RSBN1L: variants seen among roughly 807,000 people sequenced by gnomAD.
RSBN1L encodes the protein round spermatid basic protein 1 like.
RSBN1L carries 30 observed loss-of-function variants against 67.7 expected under a neutral mutation model. The observed-to-expected ratio is 0.44, with a 90% CI of 0.33 to 0.60. The LOEUF (loss-of-function observed/expected upper bound fraction) is 0.60, where lower values mean the gene tolerates loss of function less well. Ranked by LOEUF, RSBN1L falls within the 20% of genes least tolerant of loss-of-function variation. The pLI is 0.02. For missense variants in RSBN1L, 992 were observed against 1,031.7 expected (o/e 0.96, Z 0.53); for synonymous variants, 433 against 387.0 (o/e 1.12, Z -1.39).
At chr7:77,718,561 A>T (rs1311108105) in intron 1 of RSBN1L, among the ~76,000 whole-genome samples, 1 of 152,118 alleles carries the variant, frequency 6.6e-6, no homozygotes, top group Non-Finnish European at 1.5e-5. Flanking sequence ...AAAGTGCTAG[A>T]TTACAGGTGT....
intron 1 of RSBN1L, among the ~76,000 whole-genome samples, chr7:77,704,585 C>T (rs573920431): frequency 2.6e-5 from 4 of 152,160 alleles, no homozygotes; most frequent in African/African-American, 7.2e-5. Flanking sequence ...TTATTTTTGG[C>T]TCTAGCATTT....
chr7:77,735,639 T>C, intron 1 of RSBN1L, among the ~76,000 whole-genome samples: 1 of 152,186 alleles, frequency 6.6e-6, no homozygotes, highest in Non-Finnish European at 1.5e-5. Flanking sequence ...ACTTCCATCA[T>C]GGTTTTGTAA....
At chr7:77,710,061 T>A (rs1169591724) in intron 1 of RSBN1L, among the ~76,000 whole-genome samples, 1 of 152,212 alleles carries the variant, frequency 6.6e-6, no homozygotes, top group Non-Finnish European at 1.5e-5. Flanking sequence ...ACTCACTGTC[T>A]TTCATATCTT....
chr7:77,739,057 A>G (rs1466262842), intron 2 of RSBN1L, among the ~76,000 whole-genome samples: 2 of 152,242 alleles, frequency 1.3e-5, no homozygotes, highest in Non-Finnish European at 2.9e-5. Flanking sequence ...TGCTTGTCGC[A>G]TTGAAAGCAC....
rs923020328 is a variant in RSBN1L, at chr7:77,767,408, G to A, written c.1483-1253G>A. Among the ~76,000 whole-genome samples the A allele has an allele frequency of 2.0e-5, 3 of 151,674 alleles. No homozygotes were observed. The South Asian group carries it at 6.2e-4, about 32-fold the overall frequency. ...TTTTGGTTTCAGATGGAGTCTCGCTGTGTCATCCAGGCTGGAGGGCAGTGG... is the reference window on the plus strand; with the variant it reads ...TTTTGGTTTCAGATGGAGTCTCGCTATGTCATCCAGGCTGGAGGGCAGTGG... On this transcript the variant is annotated intron_variant, in intron 4 of 7. Coordinates refer to ENST00000334955, the MANE Select transcript of RSBN1L (RefSeq NM_198467.3).
At chr7:77,747,369 T>G (rs1791498497) in intron 2 of RSBN1L, among the ~76,000 whole-genome samples, 1 of 152,186 alleles carries the variant, frequency 6.6e-6, no homozygotes, top group Non-Finnish European at 1.5e-5. Context: ...TTGTGGCAGC[T>G]CCTCCCATCA....
At position 77,725,657 on chromosome 7, in the gene RSBN1L, A is replaced by T. The variant is rs568139648; in HGVS notation, c.587-10753A>T. ...ATTTTATTTTATTTTATTTTTTGAG[A>T]TGGAGTTTCGCCCTTGTTGCTCAGG... is the stretch of plus-strand genomic sequence containing the variant. On this transcript the variant is annotated intron_variant, in intron 1 of 7. Transcript: ENST00000334955. Among the ~76,000 whole-genome samples, 63 of 150,728 alleles carry T rather than the reference A, an allele frequency of 4.2e-4. 1 individual carries two copies. The highest frequency in any genetic ancestry group is 1.5e-3 in the African/African-American group (60 of 41,334).
rs577724478 is a variant in RSBN1L, at chr7:77,779,874, G to A, written c.*706G>A. On this transcript the variant is annotated 3_prime_UTR_variant, in exon 8 of 8. Transcript: ENST00000334955. ...ATACGGAGTTTCATTCTGTCACCAG[G>A]CTGGAGTTCAGTGGTGCGATCTCGG... is the stretch of plus-strand genomic sequence containing the variant. The A allele has an allele frequency of 4.1e-4, 61 of 150,350 alleles. No homozygotes were observed. Among genetic ancestry groups the A allele is most frequent in the African/African-American group, 1.4e-3 (56 of 40,812 alleles). The allele number at this position is 150,350 out of a possible 1,614,324, so 9.3% of individuals were successfully genotyped here.
chr7:77,713,701 C>A (rs1391075113), intron 1 of RSBN1L, among the ~76,000 whole-genome samples: 1 of 151,028 alleles, frequency 6.6e-6, no homozygotes, highest in Non-Finnish European at 1.5e-5. Flanking sequence ...CACAGTCTTG[C>A]TGTGTTGCCC....
chr7:77,768,918 T>A, intron 5 of RSBN1L, 115 bp downstream of exon 5: 1 of 862,580 alleles, frequency 1.2e-6, no homozygotes, highest in Non-Finnish European at 1.8e-6. Flanking sequence ...AATTGGAATA[T>A]AAATTTAAAA....
chr7:77,728,440 A>G (rs1791234214), intron 1 of RSBN1L, among the ~76,000 whole-genome samples: 1 of 152,018 alleles, frequency 6.6e-6, no homozygotes, highest in African/African-American at 2.4e-5. Context: ...TAATCTGTTT[A>G]TTTTTTACTT....
chr7:77,739,737 GTC>G (rs1562801654), intron 2 of RSBN1L, among the ~76,000 whole-genome samples: 1 of 61,192 alleles, frequency 1.6e-5, no homozygotes. Flanking sequence ...AAAAAAATGT[GTC>G]TTTTTTTTTT....
At chr7:77,739,579 GGC>G (rs1478322478) in intron 2 of RSBN1L, among the ~76,000 whole-genome samples, 1 of 150,766 alleles carries the variant, frequency 6.6e-6, no homozygotes, top group Admixed American at 6.6e-5. Flanking sequence ...CGGGCGTGGT[GGC>G]GCTCGTCTGT....
chr7:77,719,095 G>A (rs1202733318), intron 1 of RSBN1L, among the ~76,000 whole-genome samples: 1 of 152,180 alleles, frequency 6.6e-6, no homozygotes, highest in Non-Finnish European at 1.5e-5. Context: ...GAAACAGCAA[G>A]TCTTCTTATG....
At chr7:77,716,200 T>C (rs2150414779) in intron 1 of RSBN1L, among the ~76,000 whole-genome samples, 1 of 152,370 alleles carries the variant, frequency 6.6e-6, no homozygotes, top group Non-Finnish European at 1.5e-5. Flanking sequence ...CTTAGATTTC[T>C]CTAGGCATTT....
Position 77,765,633 on chromosome 7 carries a change from G to C in RSBN1L, c.1482+1G>C. 6.3e-7 allele frequency: 1 copy of C among 1,586,452 alleles called. No homozygotes were observed. On this transcript the variant is annotated splice_donor_variant, in intron 4 of 7. Coordinates refer to ENST00000334955, the MANE Select transcript of RSBN1L (RefSeq NM_198467.3). LOFTEE classifies it high-confidence loss of function. Reference sequence around the variant, plus strand: ...GTTGGAAGAGTCACCATTTTTAAAAGTAAGAGACAATCTGTCATGGGATTA... The same window carrying C: ...GTTGGAAGAGTCACCATTTTTAAAACTAAGAGACAATCTGTCATGGGATTA...
At chr7:77,760,552 A>G (rs1562807319) in intron 3 of RSBN1L, among the ~76,000 whole-genome samples, 1 of 152,186 alleles carries the variant, frequency 6.6e-6, no homozygotes, top group Non-Finnish European at 1.5e-5. Flanking sequence ...ACCTAAATCA[A>G]GAGGAACTAT....
intron 3 of RSBN1L, among the ~76,000 whole-genome samples, chr7:77,755,246 A>G (rs1327131942): frequency 6.6e-6 from 1 of 152,260 alleles, no homozygotes; most frequent in African/African-American, 2.4e-5. Context: ...TTGCTCAGGA[A>G]TCAAACTTGT....
chr7:77,721,166 A>C (rs2150416138), intron 1 of RSBN1L, among the ~76,000 whole-genome samples: 1 of 150,966 alleles, frequency 6.6e-6, no homozygotes, highest in South Asian at 2.1e-4. Context: ...ATAATTTTTA[A>C]TTTAATTGGA....
Sources: allele counts gnomAD v4.1 joint callset (sites outside exome capture counted in the v4.1 genomes callset), GRCh38; gene constraint gnomAD v4.1.1; transcripts MANE v1.5; gene names NCBI Gene and HGNC (gene_info 2026-07-23, HGNC 2026-07-21).